Variants in IFI16 observed in about 807,000 individuals in gnomAD.
The protein encoded by IFI16 is gamma-interferon-inducible protein 16.
IFI16 carries 49 observed loss-of-function variants against 68.4 expected under a neutral mutation model. The ratio of observed to expected loss-of-function variants is 0.72; its 90% CI spans 0.57 to 0.91. The LOEUF is 0.91. Ranked by LOEUF, IFI16 falls within the 40% of genes least tolerant of loss-of-function variation. IFI16 has a pLI of 0.00. For missense variants in IFI16, 878 were observed against 942.9 expected, an observed-to-expected ratio of 0.93 and a Z score of 0.90; for synonymous variants, 307 against 315.0, an observed-to-expected ratio of 0.97 and a Z score of 0.27.
At position 159,020,361 on chromosome 1, in the gene IFI16, C is replaced by T. The variant is rs1245015140; in HGVS notation, c.993C>T (p.Thr331=). The T allele has an allele frequency of 1.9e-6, 3 of 1,608,168 alleles. No homozygotes were observed. The African/African-American group carries it at 4.0e-5, about 22-fold the overall frequency. The change falls in exon 6 of 12, where the codon ACC becomes ACT. Residue 331 remains threonine (T), a synonymous_variant. Coordinates refer to ENST00000295809, the MANE Select transcript of IFI16 (RefSeq NM_001376587.1). ...MLHKKTVNQK[T]TIYEIQDDRG... Reference sequence around the variant, plus strand: ...TACAGAAAACAGTAAATCAGAAGACCACAATCTACGAAATTCAGGATGATA... The same window carrying T: ...TACAGAAAACAGTAAATCAGAAGACTACAATCTACGAAATTCAGGATGATA...
chr1:159,015,121 T>C (rs1320792169), intron 2 of IFI16, among the ~76,000 whole-genome samples, 176 bp downstream of exon 2: 1 of 152,192 alleles, frequency 6.6e-6, no homozygotes, highest in Non-Finnish European at 1.5e-5. Flanking sequence ...TGCATTCCAT[T>C]ACTGGTGTAG....
chr1:159,044,540 T>C (rs1654863302), intron 7 of IFI16, among the ~76,000 whole-genome samples: 1 of 152,126 alleles, frequency 6.6e-6, no homozygotes, highest in African/African-American at 2.4e-5. Flanking sequence ...ATTAGGTTAC[T>C]GAATGGGAAA....
chr1:159,030,744 A>G (rs1230295218), intron 6 of IFI16, among the ~76,000 whole-genome samples: 3 of 151,944 alleles, frequency 2.0e-5, no homozygotes, highest in Non-Finnish European at 2.9e-5. Context: ...GTTTATTGGG[A>G]TAATTTTGTG....
chr1:159,014,343 G>A (rs1379745217), intron 1 of IFI16, among the ~76,000 whole-genome samples: 2 of 152,194 alleles, frequency 1.3e-5, no homozygotes, highest in African/African-American at 2.4e-5. Context: ...CCCAGTAAAG[G>A]ATAAGAAGAG....
At position 159,032,628 on chromosome 1, in the gene IFI16, T is replaced by TGAGAGCCATCTTCG; in HGVS notation, c.1269_1282dup (p.Thr428ArgfsTer30). The TGAGAGCCATCTTCG allele has an allele frequency of 6.2e-7, 1 of 1,613,106 alleles. No homozygotes were observed. The highest frequency in any genetic ancestry group is 2.2e-5 in the East Asian group (1 of 44,788). ...CTTCAGAGGCCAGCACAACCTTCCC[T>TGAGAGCCATCTTCG]GAGAGCCATCTTCGGACTCCTCAGA... On this transcript the variant is annotated frameshift_variant, in exon 7 of 12. Coordinates refer to ENST00000295809, the MANE Select transcript of IFI16 (RefSeq NM_001376587.1). LOFTEE classifies it high-confidence loss of function.
rs565790632 is a variant in IFI16, at chr1:159,032,322, A to G, written c.1162-202A>G. On this transcript the variant is annotated intron_variant, in intron 6 of 11. Coordinates refer to ENST00000295809, the MANE Select transcript of IFI16 (RefSeq NM_001376587.1). ...CAGTAAGTAGATATTGAAAGATTTT[A>G]GGAAGAAGAGTACTTGATCATTCCA... 5.9e-5 allele frequency among the ~76,000 whole-genome samples: 9 copies of G among 152,324 alleles called. No homozygotes were observed. In the South Asian group the frequency reaches 1.4e-3, roughly 25 times the overall value.
intron 6 of IFI16, among the ~76,000 whole-genome samples, chr1:159,031,609 G>A (rs1283004668): frequency 1.3e-5 from 2 of 152,056 alleles, no homozygotes; most frequent in South Asian, 2.1e-4. Context: ...AGACCTTCAG[G>A]TTCCCCAGTG....
At chr1:159,027,506 C>T (rs535670995) in intron 6 of IFI16, among the ~76,000 whole-genome samples, 1 of 152,060 alleles carries the variant, frequency 6.6e-6, no homozygotes, top group Admixed American at 6.5e-5. Flanking sequence ...TTGTTATGTC[C>T]TTTCCTGCTT....
In IFI16 at chr1:159,016,694, A is replaced by C. The variant is rs1169421532; in HGVS notation, c.543A>C (p.Ser181=). 1 of 1,612,974 alleles carries C rather than the reference A, an allele frequency of 6.2e-7. No homozygotes were observed. Among genetic ancestry groups the C allele is most frequent in the East Asian group, 2.2e-5 (1 of 44,844 alleles). The change falls in exon 4 of 12, where the codon TCA becomes TCC. Residue 181 remains serine, a synonymous_variant. Coordinates refer to ENST00000295809, the MANE Select transcript of IFI16 (RefSeq NM_001376587.1). The part of the protein sequence containing the change: ...TSLSAPPNSS[S]TENPKTVAKC... ...TGTCAGCTCCACCCAACAGTTCTTCAACTGAGGTACACTCTTCCTGGTCCC... is the reference window on the plus strand; with the variant it reads ...TGTCAGCTCCACCCAACAGTTCTTCCACTGAGGTACACTCTTCCTGGTCCC...
chr1:159,015,347 G>T (rs940729173), intron 2 of IFI16, among the ~76,000 whole-genome samples: 1 of 152,102 alleles, frequency 6.6e-6, no homozygotes, highest in Non-Finnish European at 1.5e-5. Flanking sequence ...TTAAAAAAAT[G>T]CAATACTTAC....
rs1655487434 is a variant in IFI16, at chr1:159,053,557, T to A, written c.2110T>A (p.Tyr704Asn). The change falls in exon 11 of 12, where the codon TAT (tyrosine) becomes AAT (asparagine). Residue 704 changes from tyrosine (Y) to asparagine (N), a missense_variant. Tyr to Asn is a moderately radical substitution (Grantham distance 143). This residue lies in a region of IFI16 where 311 missense variants were observed against 305.1 expected (regional missense o/e 1.02). Transcript: ENST00000295809. Reference protein sequence around the residue: ...HKKNVRGEFTYYEIQDNTGKM... With the variant: ...HKKNVRGEFTNYEIQDNTGKM... ...GAAAAATGTAAGGGGTGAATTCACTTATTATGAAATACAAGATAATACAGG... is the reference window on the plus strand; with the variant it reads ...GAAAAATGTAAGGGGTGAATTCACTAATTATGAAATACAAGATAATACAGG... The A allele has an allele frequency of 6.2e-7, 1 of 1,609,324 alleles. No homozygotes were observed. The highest frequency in any genetic ancestry group is 1.1e-5 in the South Asian group (1 of 90,358).
chr1:159,034,461 G>A (rs1055667416), intron 7 of IFI16, among the ~76,000 whole-genome samples: 2 of 152,160 alleles, frequency 1.3e-5, no homozygotes, highest in African/African-American at 4.8e-5. Flanking sequence ...ATGAATACAA[G>A]AATATGTTCA....
chr1:159,032,701 C>A lies in IFI16; in HGVS notation c.1329+10C>A. On this transcript the variant is annotated intron_variant, in intron 7 of 11. Coordinates refer to ENST00000295809, the MANE Select transcript of IFI16 (RefSeq NM_001376587.1). Reference sequence around the variant, plus strand: ...CAGTTTCTTCACCAAGGTACAATTTCCTGGGTCCCATGCCTCATGTCTCCC... The same window carrying A: ...CAGTTTCTTCACCAAGGTACAATTTACTGGGTCCCATGCCTCATGTCTCCC... 6.3e-7 allele frequency: 1 copy of A among 1,578,814 alleles called. No individual in the cohort carries two copies. The highest frequency in any genetic ancestry group is 8.6e-7 in the Non-Finnish European group (1 of 1,166,014).
Position 159,042,298 on chromosome 1 carries a change from C to A in IFI16, c.1330-2999C>A, listed in dbSNP as rs546355310. ...ATAACAATTTTATATTTGATATCTT[C>A]TGCCATGTCTCCCTTAAAATAAACA... On this transcript the variant is annotated intron_variant, in intron 7 of 11. Coordinates refer to ENST00000295809, the MANE Select transcript of IFI16 (RefSeq NM_001376587.1). 1.1e-4 allele frequency among the ~76,000 whole-genome samples: 14 copies of A among 125,432 alleles called. 1 individual carries two copies. Among genetic ancestry groups the A allele is most frequent in the Admixed American group, 1.1e-3 (12 of 11,244 alleles). 82.3% of individuals were successfully genotyped at this position (125,432 alleles called of 152,430 possible).
upstream of IFI16, among the ~76,000 whole-genome samples, chr1:159,002,489 CTTGT>C (rs1652097738): frequency 6.6e-6 from 1 of 152,112 alleles, no homozygotes; most frequent in African/African-American, 2.4e-5. Context: ...CAGATTTCTG[CTTGT>C]TTTTTTCTAA....
intron 2 of IFI16, 73 bp from the exon 3 acceptor site, chr1:159,015,799 T>C: frequency 9.1e-7 from 1 of 1,100,088 alleles, no homozygotes; most frequent in South Asian, 1.3e-5. Context: ...TGAAACTGCT[T>C]CAGCTGTCGG....
intron 5 of IFI16, among the ~76,000 whole-genome samples, chr1:159,019,343 C>T (rs987430147): frequency 1.3e-4 from 20 of 152,006 alleles, no homozygotes; most frequent in Non-Finnish European, 2.6e-4. Flanking sequence ...AGACATTCCA[C>T]CCCGCAAAAA....
chr1:159,021,766 T>C (rs1041129462), intron 6 of IFI16, among the ~76,000 whole-genome samples: 1 of 152,060 alleles, frequency 6.6e-6, no homozygotes, highest in Non-Finnish European at 1.5e-5. Context: ...CAGCGTCTGT[T>C]TTTTAAAATT....
chr1:159,001,645 C>T (rs1652064456), upstream of IFI16, among the ~76,000 whole-genome samples: 1 of 152,090 alleles, frequency 6.6e-6, no homozygotes, highest in African/African-American at 2.4e-5. Flanking sequence ...CTATTATATG[C>T]TAAACACAGT....
Sources: gnomAD v4.1 joint callset for allele counts (sites outside exome capture counted in the v4.1 genomes callset) on GRCh38, gnomAD v4.1.1 for gene constraint, gnomAD v4.1.1 regional missense constraint, MANE v1.5 for transcripts, NCBI Gene and HGNC (gene_info 2026-07-23, HGNC 2026-07-21) for gene names.